Variants in SUSD3 observed in about 807,000 individuals in gnomAD.
SUSD3 encodes sushi domain containing 3.
Under a neutral mutation model 20.6 loss-of-function variants are expected in SUSD3, and 18 were observed. The observed-to-expected ratio is 0.87, with a 90% CI of 0.60 to 1.30. The LOEUF (loss-of-function observed/expected upper bound fraction) is 1.30, where lower values mean the gene tolerates loss of function less well. Ranked by LOEUF, SUSD3 falls within the 50% of genes most tolerant of loss-of-function variation. The probability of loss-of-function intolerance (pLI) is 0.00; values close to 1 mark genes in which losing one functional copy is unlikely to be tolerated. For missense variants in SUSD3, 306 were observed against 346.9 expected (o/e 0.88, Z 0.94); for synonymous variants, 137 against 141.5 (o/e 0.97, Z 0.23).
At chr9:93,075,751 C>CCCCCCCCCCCCCCCT in intron 1 of SUSD3, 33 bp from the exon 2 acceptor site, 1 of 248,754 alleles carries the variant, frequency 4.0e-6, no homozygotes, top group Non-Finnish European at 7.6e-6. Flanking sequence ...CCCCCCCCCC[C>CCCCCCCCCCCCCCCT]CCGCCATGCC....
Position 93,084,756 on chromosome 9 carries a change from T to G in SUSD3, c.*9T>G. Reference sequence around the variant, plus strand: ...CATATGCCCTAGGGTGACCACGCAGTGAGGCTGGTGCCCATGCTCCACACT... The same window carrying G: ...CATATGCCCTAGGGTGACCACGCAGGGAGGCTGGTGCCCATGCTCCACACT... On this transcript the variant is annotated 3_prime_UTR_variant, in exon 5 of 5. Transcript: ENST00000375472. 2.7e-6 allele frequency: 4 copies of G among 1,480,888 alleles called. No individual in the cohort carries two copies. The highest frequency in any genetic ancestry group is 2.7e-6 in the Non-Finnish European group (3 of 1,114,940). The allele number at this position is 1,480,888 out of a possible 1,614,324, so 91.7% of individuals were successfully genotyped here.
In SUSD3 at chr9:93,079,488, C is replaced by T; in HGVS notation, c.443C>T (p.Ser148Phe). 1 of 1,614,048 alleles carries T rather than the reference C, an allele frequency of 6.2e-7. No homozygotes were observed. The highest frequency in any genetic ancestry group is 1.1e-5 in the South Asian group (1 of 91,060). The change falls in exon 4 of 5, where the codon TCC becomes TTC. Residue 148 changes from serine to phenylalanine, a missense_variant. Coordinates refer to ENST00000375472, the MANE Select transcript of SUSD3 (RefSeq NM_145006.4). The part of the protein sequence containing the change: ...RRSNRSAQLW[S>F]QLKDEDLETV... ...TCCTCCAGGTCAGCCCAGCTGTGGT[C>T]CCAGCTGAAAGATGAGGACTTGGAG...
intron 3 of SUSD3, among the ~76,000 whole-genome samples, chr9:93,079,256 G>A (rs1200204971): frequency 2.0e-5 from 3 of 152,222 alleles, no homozygotes; most frequent in Non-Finnish European, 2.9e-5. Context: ...GTCTACTGGT[G>A]TGTGGCTACT....
At chr9:93,064,071 CAG>C (rs1825610746) in intron 1 of SUSD3, among the ~76,000 whole-genome samples, 1 of 152,028 alleles carries the variant, frequency 6.6e-6, no homozygotes. Context: ...TTTTTTGAGA[CAG>C]AGTCTCACTT....
intron 1 of SUSD3, among the ~76,000 whole-genome samples, chr9:93,064,005 G>A (rs1825607263): frequency 6.6e-6 from 1 of 152,184 alleles, no homozygotes; most frequent in Non-Finnish European, 1.5e-5. Context: ...TTGTAGGTCA[G>A]TGTTACCTCG....
At position 93,077,859 on chromosome 9, in the gene SUSD3, C is replaced by G; in HGVS notation, c.291C>G (p.His97Gln). 1 of 1,614,216 alleles carries G rather than the reference C, an allele frequency of 6.2e-7. No homozygotes were observed. The highest frequency in any genetic ancestry group is 2.2e-5 in the East Asian group (1 of 44,892). The change falls in exon 3 of 5, where the codon CAC (histidine) becomes CAG (glutamine). Residue 97 changes from histidine to glutamine, a missense_variant. By Grantham distance (24) the His-to-Gln change is conservative. Transcript: ENST00000375472. ...TCTCCCACACAGTGGTGCCACCACA[C>G]GAGACCTTTGGCTTCAAGGTGGCCG... ...GSPVCKLVPPHETFGFKVAVI... is the reference protein window; with the variant it reads ...GSPVCKLVPPQETFGFKVAVI...
chr9:93,075,749 C>CCCCCCCCCCCCCCCCCCT, intron 1 of SUSD3, 35 bp from the exon 2 acceptor site: 2 of 215,698 alleles, frequency 9.3e-6, no homozygotes, highest in Non-Finnish European at 1.8e-5. Context: ...CACCCCCCCC[C>CCCCCCCCCCCCCCCCCCT]CCCCGCCATG....
intron 3 of SUSD3, among the ~76,000 whole-genome samples, chr9:93,078,503 G>A (rs758571139): frequency 2.0e-5 from 3 of 152,064 alleles, no homozygotes; most frequent in Admixed American, 6.6e-5. Flanking sequence ...CTGGTGATCC[G>A]CCCAGTGATC....
At chr9:93,071,978 C>T (rs1825928202) in intron 1 of SUSD3, among the ~76,000 whole-genome samples, 4 of 152,116 alleles carry the variant, frequency 2.6e-5, no homozygotes, top group Admixed American at 2.6e-4. Context: ...TCCCTACCAC[C>T]TTCCCACTGA....
At chr9:93,073,226 C>T (rs557239466) in intron 1 of SUSD3, among the ~76,000 whole-genome samples, 5 of 151,432 alleles carry the variant, frequency 3.3e-5, no homozygotes, top group Admixed American at 6.6e-5. Flanking sequence ...TGCATCAGCA[C>T]GGCCTGCTGT....
intron 4 of SUSD3, among the ~76,000 whole-genome samples, chr9:93,083,719 T>A (rs1322026507): frequency 1.3e-5 from 2 of 152,210 alleles, no homozygotes; most frequent in African/African-American, 4.8e-5. Context: ...CACCAGTTAT[T>A]GATGCTTTCA....
At chr9:93,064,980 A>T (rs1300211723) in intron 1 of SUSD3, among the ~76,000 whole-genome samples, 1 of 152,202 alleles carries the variant, frequency 6.6e-6, no homozygotes, top group Non-Finnish European at 1.5e-5. Context: ...CCCCGCGGTG[A>T]CACACAGTCT....
At chr9:93,058,929 TG>T in intron 1 of SUSD3, 99 bp downstream of exon 1, 1 of 664,518 alleles carries the variant, frequency 1.5e-6, no homozygotes, top group Non-Finnish European at 2.2e-6. Flanking sequence ...CAGCCGTGGG[TG>T]GGGGCCACAG....
intron 1 of SUSD3, among the ~76,000 whole-genome samples, chr9:93,060,882 T>C (rs559173768): frequency 1.5e-3 from 231 of 152,206 alleles, no homozygotes; most frequent in African/African-American, 5.4e-3. Flanking sequence ...TGTGTGTTTT[T>C]CCCACCATCT....
Position 93,058,809 on chromosome 9 carries a change from C to A in SUSD3, c.67C>A (p.Pro23Thr). Residue 23 changes from proline to threonine, a missense_variant, in exon 1 of 5, where the codon CCT becomes ACT. Coordinates refer to ENST00000375472, the MANE Select transcript of SUSD3 (RefSeq NM_145006.4). Reference protein sequence around the residue: ...RPRGRAGVTTPAPGNRTGTCA... With the variant: ...RPRGRAGVTTTAPGNRTGTCA... ...CCGGGGGCGGGCCGGGGTCACCACG[C>A]CTGCCCCAGGGAACCGCACAGGTGA... is the stretch of plus-strand genomic sequence containing the variant. 8.0e-7 allele frequency: 1 copy of A among 1,255,686 alleles called. No individual in the cohort carries two copies. Among genetic ancestry groups the A allele is most frequent in the East Asian group, 3.1e-5 (1 of 31,778 alleles). 77.8% of individuals were successfully genotyped at this position (1,255,686 alleles called of 1,614,324 possible). A position where few individuals can be genotyped will look rare whatever the true frequency, so the allele number is the denominator to read the frequency against.
intron 2 of SUSD3, among the ~76,000 whole-genome samples, chr9:93,076,744 A>G (rs1252743276): frequency 6.6e-6 from 1 of 152,238 alleles, no homozygotes; most frequent in African/African-American, 2.4e-5. Flanking sequence ...AGGATTAACT[A>G]TGATGGAGCT....
intron 4 of SUSD3, among the ~76,000 whole-genome samples, chr9:93,081,652 G>A (rs1323317014): frequency 6.6e-6 from 1 of 152,132 alleles, no homozygotes; most frequent in East Asian, 1.9e-4. Context: ...GCTGGGTCTG[G>A]CCAACACCTG....
chr9:93,077,155 C>G (rs541895361), intron 2 of SUSD3, among the ~76,000 whole-genome samples: 1 of 152,146 alleles, frequency 6.6e-6, no homozygotes, highest in Admixed American at 6.5e-5. Flanking sequence ...GCCAGAACAT[C>G]CAGTAGAATC....
intron 1 of SUSD3, among the ~76,000 whole-genome samples, chr9:93,068,304 T>C (rs1825790398): frequency 1.3e-5 from 2 of 152,262 alleles, no homozygotes; most frequent in Admixed American, 1.3e-4. Context: ...CCCTATGTTT[T>C]CTTCTAAGAG....
Sources: allele counts gnomAD v4.1 joint callset (sites outside exome capture counted in the v4.1 genomes callset), GRCh38; gene constraint gnomAD v4.1.1; transcripts MANE v1.5; gene names NCBI Gene and HGNC (gene_info 2026-07-23, HGNC 2026-07-21).